CNKSR3: variants seen among roughly 807,000 people sequenced by gnomAD.
The protein encoded by CNKSR3 is CNKSR family member 3, also known as connector enhancer of kinase suppressor of ras 3.
CNKSR3 carries 36 observed loss-of-function variants against 67.7 expected under a neutral mutation model. The observed-to-expected ratio is 0.53, with a 90% CI of 0.41 to 0.70. The LOEUF (loss-of-function observed/expected upper bound fraction) is 0.70, where lower values mean the gene tolerates loss of function less well. Ranked by LOEUF, CNKSR3 falls within the 30% of genes least tolerant of loss-of-function variation. The pLI is 0.00. For synonymous variants in CNKSR3, 281 were observed against 271.4 expected (o/e 1.04, Z -0.35); for missense variants, 630 against 695.2 (o/e 0.91, Z 1.05).
intron 6 of CNKSR3, among the ~76,000 whole-genome samples, chr6:154,430,197 T>C (rs1785335840): frequency 1.3e-5 from 2 of 152,228 alleles, no homozygotes; most frequent in Non-Finnish European, 2.9e-5. Context: ...TGTGTAAGTG[T>C]TTTATATTTC....
intron 1 of CNKSR3, among the ~76,000 whole-genome samples, chr6:154,460,270 T>C (rs1018428800): frequency 4.6e-5 from 7 of 152,192 alleles, no homozygotes; most frequent in African/African-American, 1.7e-4. Context: ...CCCTCAATAT[T>C]CTCCTTTGAG....
At chr6:154,422,009 T>A (rs1785155237) in intron 9 of CNKSR3, among the ~76,000 whole-genome samples, 1 of 112,056 alleles carries the variant, frequency 8.9e-6, no homozygotes, top group Non-Finnish European at 1.9e-5. Context: ...TTTTTTTTTA[T>A]GAGAATAGAG....
intron 1 of CNKSR3, among the ~76,000 whole-genome samples, chr6:154,477,292 C>A (rs1191446277): frequency 6.6e-6 from 1 of 151,640 alleles, no homozygotes; most frequent in African/African-American, 2.4e-5. Context: ...AAAAAAAATT[C>A]TGAGCTTCTT....
chr6:154,454,104 CAGAGAGAGAG>C (rs71021054), intron 1 of CNKSR3, among the ~76,000 whole-genome samples: 16,757 of 116,232 alleles, frequency 0.14, 1,513 homozygotes, highest in Non-Finnish European at 0.18. Flanking sequence ...CACACACACA[CAGAGAGAGAG>C]AGAGAGAGAG....
At chr6:154,500,224 G>T (rs1247372987) in intron 1 of CNKSR3, among the ~76,000 whole-genome samples, 1 of 151,040 alleles carries the variant, frequency 6.6e-6, no homozygotes, top group Non-Finnish European at 1.5e-5. Flanking sequence ...ATGCAAAATT[G>T]TTCAATTAAT....
At chr6:154,415,008 G>A (rs775851363) in intron 9 of CNKSR3, among the ~76,000 whole-genome samples, 16 of 149,532 alleles carry the variant, frequency 1.1e-4, no homozygotes, top group Non-Finnish European at 2.4e-4. Flanking sequence ...TGAGATGGGA[G>A]GATTGCTTGA....
In CNKSR3 at chr6:154,394,750, C is replaced by T. The variant is rs1282740228; in HGVS notation, c.*11604G>A. The T allele has an allele frequency of 6.6e-6, 1 of 151,974 alleles. No individual in the cohort carries two copies. The highest frequency in any genetic ancestry group is 2.4e-5 in the African/African-American group (1 of 41,380). The allele number at this position is 151,974 out of a possible 1,614,324, so 9.4% of individuals were successfully genotyped here. A position where few individuals can be genotyped will look rare whatever the true frequency, so the allele number is the denominator to read the frequency against. Reference sequence around the variant, plus strand: ...AAAGGGACCACTGTTCTTTCCTGAACCTTAGGAAAGCCATCAGATAACTGT... The same window carrying T: ...AAAGGGACCACTGTTCTTTCCTGAATCTTAGGAAAGCCATCAGATAACTGT... On this transcript the variant is annotated 3_prime_UTR_variant, in exon 13 of 13. Coordinates refer to ENST00000607772, the MANE Select transcript of CNKSR3 (RefSeq NM_173515.4).
chr6:154,446,925 C>T (rs920946799), intron 2 of CNKSR3, among the ~76,000 whole-genome samples: 10 of 151,840 alleles, frequency 6.6e-5, no homozygotes. Context: ...CTGCCTCAGC[C>T]TCCCAAGTAG....
Position 154,430,454 on chromosome 6 carries a change from A to G in CNKSR3, c.669+18T>C. ...ATGTATGTTATCTGAAAATAAAACA[A>G]GTGTTATTAGAACTTACCAGGCCTT... On this transcript the variant is annotated intron_variant, in intron 6 of 12. Transcript: ENST00000607772. 1 of 1,586,334 alleles carries G rather than the reference A, an allele frequency of 6.3e-7. No homozygotes were observed. Among genetic ancestry groups the G allele is most frequent in the Non-Finnish European group, 8.5e-7 (1 of 1,171,338 alleles).
At chr6:154,435,880 G>A (rs1785460899) in intron 4 of CNKSR3, among the ~76,000 whole-genome samples, 1 of 152,260 alleles carries the variant, frequency 6.6e-6, no homozygotes, top group Non-Finnish European at 1.5e-5. Flanking sequence ...AAAATGGGGT[G>A]ATAACAAAGC....
Position 154,430,742 on chromosome 6 carries a change from G to A in CNKSR3, c.550-151C>T, listed in dbSNP as rs143478510. On this transcript the variant is annotated intron_variant, in intron 5 of 12. Coordinates refer to ENST00000607772, the MANE Select transcript of CNKSR3 (RefSeq NM_173515.4). ...CTGCTCAGTGAATGCATGGCATTTA[G>A]ACTCCATGTTTACCATCTGTGGGAA... 1,473 of 713,058 alleles carry A rather than the reference G, an allele frequency of 2.1e-3. 3 individuals are homozygous for A. The highest frequency in any genetic ancestry group is 0.011 in the Middle Eastern group (42 of 3,664). The allele number at this position is 713,058 out of a possible 1,614,324, so 44.2% of individuals were successfully genotyped here.
At chr6:154,412,272 C>T (rs1358210703) in intron 10 of CNKSR3, among the ~76,000 whole-genome samples, 1 of 152,196 alleles carries the variant, frequency 6.6e-6, no homozygotes, top group Non-Finnish European at 1.5e-5. Flanking sequence ...TTTCATGACT[C>T]ATGACTTGTT....
rs1784708295 is a variant in CNKSR3, at chr6:154,400,835, G to A, written c.*5519C>T. On this transcript the variant is annotated 3_prime_UTR_variant, in exon 13 of 13. Coordinates refer to ENST00000607772, the MANE Select transcript of CNKSR3 (RefSeq NM_173515.4). ...GGCCCCAAATAAATAGAAACTTTAA[G>A]TTGAAACTTGGCAATTGTGAAATTT... 1 of 152,262 alleles carries A rather than the reference G, an allele frequency of 6.6e-6. No individual in the cohort carries two copies. The highest frequency in any genetic ancestry group is 1.5e-5 in the Non-Finnish European group (1 of 68,018). 9.4% of individuals were successfully genotyped at this position (152,262 alleles called of 1,614,324 possible). A position where few individuals can be genotyped will look rare whatever the true frequency, so the allele number is the denominator to read the frequency against.
Position 154,400,756 on chromosome 6 carries a change from T to C in CNKSR3, c.*5598A>G, listed in dbSNP as rs930885539. ...AACATGATGTAATCACTTTTTCCTT[T>C]ACTTATGTAAAAGGTACCCTTTGTC... On this transcript the variant is annotated 3_prime_UTR_variant, in exon 13 of 13. Transcript: ENST00000607772. 3 of 152,222 alleles carry C rather than the reference T, an allele frequency of 2.0e-5. No homozygotes were observed. Among genetic ancestry groups the C allele is most frequent in the African/African-American group, 7.2e-5 (3 of 41,470 alleles). 9.4% of individuals were successfully genotyped at this position (152,222 alleles called of 1,614,324 possible). A position where few individuals can be genotyped will look rare whatever the true frequency, so the allele number is the denominator to read the frequency against.
At chr6:154,407,678 C>T (rs1784824050) in intron 12 of CNKSR3, among the ~76,000 whole-genome samples, 1 of 151,878 alleles carries the variant, frequency 6.6e-6, no homozygotes, top group South Asian at 2.1e-4. Context: ...TCTCGAAATC[C>T]TGAGACCAAG....
chr6:154,442,363 C>A, intron 2 of CNKSR3, 73 bp from the exon 3 acceptor site: 1 of 1,300,302 alleles, frequency 7.7e-7, no homozygotes, highest in African/African-American at 1.5e-5. Context: ...TGGCTCACGC[C>A]TGTAATCCTA....
At chr6:154,463,997 G>A (rs62432709) in intron 1 of CNKSR3, among the ~76,000 whole-genome samples, 22,813 of 152,090 alleles carry the variant, frequency 0.15, 2,027 homozygotes, top group African/African-American at 0.25. Context: ...CCATCAACAG[G>A]GCAGGAATTG....
intron 1 of CNKSR3, among the ~76,000 whole-genome samples, chr6:154,487,558 C>T (rs2114645638): frequency 6.6e-6 from 1 of 152,312 alleles, no homozygotes; most frequent in South Asian, 2.1e-4. Flanking sequence ...CACAATGTTT[C>T]AGAATGAGGA....
chr6:154,407,210 G>A (rs1784814213), intron 12 of CNKSR3, among the ~76,000 whole-genome samples: 1 of 152,158 alleles, frequency 6.6e-6, no homozygotes, highest in South Asian at 2.1e-4. Context: ...AGTGGGTGGG[G>A]ACCATAGAGT....
Sources: gnomAD v4.1 joint callset for allele counts (sites outside exome capture counted in the v4.1 genomes callset) on GRCh38, gnomAD v4.1.1 for gene constraint, MANE v1.5 for transcripts, NCBI Gene and HGNC (gene_info 2026-07-23, HGNC 2026-07-21) for gene names.